WASHC2C: variants seen among roughly 807,000 people sequenced by gnomAD.
WASHC2C encodes WASH complex subunit 2C.
In WASHC2C, 73 loss-of-function variants were observed where a neutral mutation model predicts 142.2. That is an observed-to-expected ratio of 0.51 (90% confidence interval 0.43 to 0.62). The LOEUF is 0.62. Among genes scored for constraint, WASHC2C ranks in the 20% least tolerant of loss-of-function variants. The pLI is 0.00. For synonymous variants in WASHC2C, 337 were observed against 565.5 expected (o/e 0.60, Z 5.73); for missense variants, 969 against 1,531.7 (o/e 0.63, Z 6.13).
In WASHC2C at chr10:45,746,594, A is replaced by T. The variant is rs753963722; in HGVS notation, c.685-6A>T. 1 of 1,613,398 alleles carries T rather than the reference A, an allele frequency of 6.2e-7. No individual in the cohort carries two copies. Among genetic ancestry groups the T allele is most frequent in the African/African-American group, 1.3e-5 (1 of 74,880 alleles). ...TTAACAACAAAGCCTTTTCTTACCC[A>T]TAAAGGAGTCAGATGAAGATTTTGC... On this transcript the variant is annotated splice_region_variant and splice_polypyrimidine_tract_variant and intron_variant, in intron 7 of 30. Coordinates refer to ENST00000623400, the MANE Select transcript of WASHC2C (RefSeq NM_001330074.2).
intron 23 of WASHC2C, among the ~76,000 whole-genome samples, chr10:45,784,269 T>TATATATATATATATACACACACACAC (rs1564819626): frequency 0.032 from 436 of 13,432 alleles, 18 homozygotes; most frequent in Non-Finnish European, 0.047. Context: ...TATATATATA[T>TATATATATATATATACACACACACAC]ATATATATAT....
chr10:45,729,335 C>G (rs1168680576), intron 3 of WASHC2C, among the ~76,000 whole-genome samples: 4 of 152,222 alleles, frequency 2.6e-5, no homozygotes, highest in African/African-American at 9.6e-5. Context: ...GTGGCGTGAT[C>G]TGTAAGGACA....
At chr10:45,788,197 T>C (rs2058187189) in intron 28 of WASHC2C, among the ~76,000 whole-genome samples, 1 of 152,200 alleles carries the variant, frequency 6.6e-6, no homozygotes, top group Non-Finnish European at 1.5e-5. Context: ...CCAGAGTAGA[T>C]TGTAGCTTCT....
At chr10:45,734,468 G>A (rs12242680) in intron 3 of WASHC2C, among the ~76,000 whole-genome samples, 27,598 of 149,672 alleles carry the variant, frequency 0.18, 2,742 homozygotes, top group Admixed American at 0.25. Flanking sequence ...TAATTTTTTT[G>A]TTCTTAAACC....
At chr10:45,734,810 T>A (rs1477981733) in intron 3 of WASHC2C, among the ~76,000 whole-genome samples, 1 of 152,104 alleles carries the variant, frequency 6.6e-6, no homozygotes, top group Non-Finnish European at 1.5e-5. Flanking sequence ...AGCCTCAAAC[T>A]CCTGGGCTCA....
Position 45,787,148 on chromosome 10 carries a change from CCA to C in WASHC2C, c.2990_2991del (p.His997ArgfsTer19). The C allele has an allele frequency of 6.4e-7, 1 of 1,574,532 alleles. No homozygotes were observed. The highest frequency in any genetic ancestry group is 8.7e-7 in the Non-Finnish European group (1 of 1,154,514). The part of the protein sequence containing the change: ...AFPSSEHRRS[H>X]GLESVPVLPG... ...TTCCTTCATCTGAACACAGAAGGAG[CCA>C]CGGTCTGGAAAGTGTGCCTGTCCTT... On this transcript the variant is annotated frameshift_variant, in exon 28 of 31. Coordinates refer to ENST00000623400, the MANE Select transcript of WASHC2C (RefSeq NM_001330074.2). LOFTEE classifies it high-confidence loss of function.
chr10:45,792,762 G>T lies in WASHC2C; in HGVS notation c.*362G>T. 1 of 505,698 alleles carries T rather than the reference G, an allele frequency of 2.0e-6. No individual in the cohort carries two copies. 31.3% of individuals were successfully genotyped at this position (505,698 alleles called of 1,614,324 possible). On this transcript the variant is annotated 3_prime_UTR_variant, in exon 31 of 31. Coordinates refer to ENST00000623400, the MANE Select transcript of WASHC2C (RefSeq NM_001330074.2). ...ACCTGACCAGAAGTCTTTGTTATATGGATGGGAACCCTAACTTAGGGCTTG... is the reference window on the plus strand; with the variant it reads ...ACCTGACCAGAAGTCTTTGTTATATTGATGGGAACCCTAACTTAGGGCTTG...
At chr10:45,773,682 C>T (rs2056814116) in intron 21 of WASHC2C, among the ~76,000 whole-genome samples, 1 of 152,158 alleles carries the variant, frequency 6.6e-6, no homozygotes, top group Non-Finnish European at 1.5e-5. Context: ...GTGTCGAGTA[C>T]TAACACTGGT....
At chr10:45,776,113 A>G (rs1275503715) in intron 21 of WASHC2C, among the ~76,000 whole-genome samples, 4 of 152,202 alleles carry the variant, frequency 2.6e-5, no homozygotes, top group South Asian at 2.1e-4. Flanking sequence ...GTCAAGTTCA[A>G]TGGTTTTGCA....
Position 45,789,388 on chromosome 10 carries a change from T to G in WASHC2C, c.3605T>G (p.Leu1202Arg). Residue 1202 changes from leucine (L) to arginine (R), a missense_variant, in exon 29 of 31, where the codon CTG (leucine) becomes CGG (arginine). Coordinates refer to ENST00000623400, the MANE Select transcript of WASHC2C (RefSeq NM_001330074.2). ...PAKKTNPFPL[L>R]EDEDDLFTDQ... ...AAGAAAACAAATCCCTTTCCTCTCC[T>G]GGAAGATGAGGATGACCTCTTTACA... 6.2e-7 allele frequency: 1 copy of G among 1,612,024 alleles called. No homozygotes were observed. The highest frequency in any genetic ancestry group is 8.5e-7 in the Non-Finnish European group (1 of 1,179,856).
At chr10:45,781,368 A>G (rs1371003184) in intron 23 of WASHC2C, among the ~76,000 whole-genome samples, 3 of 152,162 alleles carry the variant, frequency 2.0e-5, no homozygotes, top group Non-Finnish European at 2.9e-5. Context: ...CTGATCCTAA[A>G]ATTTTTATGG....
In WASHC2C at chr10:45,784,289, T is replaced by TATATATAC. The variant is rs1333007505; in HGVS notation, c.2479-275_2479-274insTATATACA. ...ATATATATATATATATATATATATATACACATATATATATATATATATACA... is the reference window on the plus strand; with the variant it reads ...ATATATATATATATATATATATATATATATATACACACATATATATATATATATATACA... On this transcript the variant is annotated intron_variant, in intron 23 of 30. Coordinates refer to ENST00000623400, the MANE Select transcript of WASHC2C (RefSeq NM_001330074.2). 1.1e-3 allele frequency among the ~76,000 whole-genome samples: 20 copies of TATATATAC among 17,698 alleles called. 1 individual carries two copies. Among genetic ancestry groups the TATATATAC allele is most frequent in the Middle Eastern group, 0.025 (1 of 40 alleles). 11.6% of individuals were successfully genotyped at this position (17,698 alleles called of 152,430 possible). A position where few individuals can be genotyped will look rare whatever the true frequency, so the allele number is the denominator to read the frequency against.
At chr10:45,769,696 C>G (rs1162880568) in intron 20 of WASHC2C, 78 bp downstream of exon 20, 148 of 1,604,100 alleles carry the variant, frequency 9.2e-5, no homozygotes, top group Non-Finnish European at 1.2e-4. Context: ...CAATCTAGTT[C>G]ATCGGGTGAT....
At chr10:45,727,171 CG>C (rs2049940457), upstream of WASHC2C, 1 of 1,449,768 alleles carries the variant, frequency 6.9e-7, no homozygotes. Flanking sequence ...CATCGCAGGT[CG>C]GATCACGTGC....
chr10:45,730,872 A>G (rs2610503), intron 3 of WASHC2C, among the ~76,000 whole-genome samples: 80 of 147,190 alleles, frequency 5.4e-4, no homozygotes, highest in African/African-American at 1.8e-3. Context: ...GCCCACCTCG[A>G]CCTCCCAAAG....
intron 3 of WASHC2C, among the ~76,000 whole-genome samples, chr10:45,736,919 G>T (rs1554865020): frequency 1.3e-5 from 2 of 152,114 alleles, no homozygotes; most frequent in East Asian, 3.9e-4. Context: ...AATGCCAGAA[G>T]ATTTTCATCA....
intron 3 of WASHC2C, among the ~76,000 whole-genome samples, chr10:45,730,075 T>G (rs1468036269): frequency 1.5e-5 from 2 of 136,600 alleles, no homozygotes; most frequent in Non-Finnish European, 3.1e-5. Flanking sequence ...CCAGGCGTGG[T>G]GGCTCATGCC....
chr10:45,756,616 A>G (rs1250456767), intron 15 of WASHC2C, among the ~76,000 whole-genome samples: 1 of 152,030 alleles, frequency 6.6e-6, no homozygotes, highest in Non-Finnish European at 1.5e-5. Flanking sequence ...GCTTTTGTAC[A>G]GTTTGATTTT....
At chr10:45,777,508 C>A (rs2057199417) in intron 22 of WASHC2C, 83 bp downstream of exon 22, 1 of 1,606,822 alleles carries the variant, frequency 6.2e-7, no homozygotes, top group Non-Finnish European at 8.5e-7. Context: ...AGTTTTTTGA[C>A]CACAGAAAAT....
Sources: allele counts gnomAD v4.1 joint callset (sites outside exome capture counted in the v4.1 genomes callset), GRCh38; gene constraint gnomAD v4.1.1; transcripts MANE v1.5; gene names NCBI Gene and HGNC (gene_info 2026-07-23, HGNC 2026-07-21).